XKR6: variants seen among roughly 807,000 people sequenced by gnomAD.
XKR6 encodes XK related 6.
In XKR6, 22 loss-of-function variants were observed where a neutral mutation model predicts 56.7. The ratio of observed to expected loss-of-function variants is 0.39; its 90% CI spans 0.28 to 0.55. XKR6 has a LOEUF of 0.55. Among genes scored for constraint, XKR6 ranks in the 20% least tolerant of loss-of-function variants. XKR6 has a pLI of 0.66. For synonymous variants in XKR6, 524 were observed against 387.8 expected (o/e 1.35, Z -4.13); for missense variants, 852 against 889.0 (o/e 0.96, Z 0.53).
Position 11,057,089 on chromosome 8 carries a change from C to T in XKR6, c.765-132259G>A, listed in dbSNP as rs548231537. Among the ~76,000 whole-genome samples the T allele has an allele frequency of 3.6e-4, 55 of 152,336 alleles. 2 individuals are homozygous for T. Among genetic ancestry groups the T allele is most frequent in the African/African-American group, 1.3e-3 (53 of 41,570 alleles). ...CCCAAATCACATCCTTACTCAAAAG[C>T]CGTTCTTGATGCCCCGACCCAATCG... On this transcript the variant is annotated intron_variant, in intron 1 of 2. Transcript: ENST00000416569.
At chr8:10,973,304 G>C (rs1377563955) in intron 1 of XKR6, among the ~76,000 whole-genome samples, 1 of 152,212 alleles carries the variant, frequency 6.6e-6, no homozygotes, top group Non-Finnish European at 1.5e-5. Flanking sequence ...TCCAAGGTCA[G>C]TCATCAAAAT....
At chr8:10,908,135 A>C (rs956068733) in intron 2 of XKR6, among the ~76,000 whole-genome samples, 21 of 152,330 alleles carry the variant, frequency 1.4e-4, no homozygotes, top group African/African-American at 4.6e-4. Flanking sequence ...CGTGAGCAGA[A>C]GGGATGTGTG....
intron 1 of XKR6, among the ~76,000 whole-genome samples, chr8:11,050,444 T>C (rs1275682345): frequency 6.6e-6 from 1 of 151,850 alleles, no homozygotes; most frequent in Non-Finnish European, 1.5e-5. Context: ...TCTACAACTC[T>C]ATGAAGAACA....
intron 1 of XKR6, among the ~76,000 whole-genome samples, chr8:11,020,128 T>C (rs1798717202): frequency 6.6e-6 from 1 of 151,240 alleles, no homozygotes; most frequent in Non-Finnish European, 1.5e-5. Context: ...TGCTTGCTTC[T>C]GCCCTGACTC....
chr8:10,981,874 GC>G (rs1797742863), intron 1 of XKR6, among the ~76,000 whole-genome samples: 1 of 152,218 alleles, frequency 6.6e-6, no homozygotes. Flanking sequence ...GGAAAGATGG[GC>G]AAATCCATGA....
At position 11,174,050 on chromosome 8, in the gene XKR6, T is replaced by C. The variant is rs143846254; in HGVS notation, c.764+26526A>G. On this transcript the variant is annotated intron_variant, in intron 1 of 2. Transcript: ENST00000416569. ...TTGACAACATCATGTATTTCCTTTGTACATTTGCTTTAAAAAATAAAACCA... is the reference window on the plus strand; with the variant it reads ...TTGACAACATCATGTATTTCCTTTGCACATTTGCTTTAAAAAATAAAACCA... 3.5e-3 allele frequency among the ~76,000 whole-genome samples: 540 copies of C among 152,358 alleles called. 3 individuals carry two copies. Among genetic ancestry groups the C allele is most frequent in the African/African-American group, 0.012 (510 of 41,584 alleles).
chr8:11,049,459 G>A (rs1402635527), intron 1 of XKR6, among the ~76,000 whole-genome samples: 2 of 152,124 alleles, frequency 1.3e-5, no homozygotes, highest in South Asian at 2.1e-4. Flanking sequence ...CCTCTCTGCA[G>A]GGGGCTGCGG....
chr8:11,162,421 A>C (rs568005750), intron 1 of XKR6, among the ~76,000 whole-genome samples: 1 of 152,342 alleles, frequency 6.6e-6, no homozygotes, highest in Non-Finnish European at 1.5e-5. Flanking sequence ...CACAACCTAG[A>C]GTAGAGTAAT....
intron 1 of XKR6, among the ~76,000 whole-genome samples, chr8:11,126,372 G>A (rs927755794): frequency 1.3e-5 from 2 of 151,974 alleles, no homozygotes; most frequent in African/African-American, 2.4e-5. Flanking sequence ...GGCCTACTTT[G>A]GCGTTTTTTA....
rs151054398 is a variant in XKR6, at chr8:10,959,038, C to G, written c.765-34208G>C. Among the ~76,000 whole-genome samples the G allele has an allele frequency of 2.6e-3, 389 of 152,344 alleles. 1 individual carries two copies. The highest frequency in any genetic ancestry group is 8.9e-3 in the African/African-American group (371 of 41,580). The stretch of plus-strand genomic sequence containing the variant: ...GGGAAACCCTGCAGGGCTTCTGTAA[C>G]CAGAGTGTGACGCTGACACTCTGAG... On this transcript the variant is annotated intron_variant, in intron 1 of 2. Coordinates refer to ENST00000416569, the MANE Select transcript of XKR6 (RefSeq NM_173683.4).
chr8:10,994,811 T>C (rs1798073579), intron 1 of XKR6, among the ~76,000 whole-genome samples: 1 of 152,072 alleles, frequency 6.6e-6, no homozygotes, highest in African/African-American at 2.4e-5. Context: ...AGAATGCAAA[T>C]AAAAATCAAA....
chr8:11,081,343 T>TG (rs1797715831), intron 1 of XKR6, among the ~76,000 whole-genome samples: 1 of 152,220 alleles, frequency 6.6e-6, no homozygotes, highest in South Asian at 2.1e-4. Context: ...CACAGTTATC[T>TG]GTCATCCAAT....
At chr8:11,183,303 G>A (rs558486092) in intron 1 of XKR6, among the ~76,000 whole-genome samples, 1 of 152,132 alleles carries the variant, frequency 6.6e-6, no homozygotes, top group African/African-American at 2.4e-5. Flanking sequence ...CACAGCAGCT[G>A]CCCCATTCCA....
chr8:10,976,031 C>G (rs1802545752), intron 1 of XKR6, among the ~76,000 whole-genome samples: 1 of 151,870 alleles, frequency 6.6e-6, no homozygotes, highest in Non-Finnish European at 1.5e-5. Flanking sequence ...AAAAAATTAG[C>G]TGGGCGCAAT....
chr8:11,075,006 G>C (rs1800234207), intron 1 of XKR6, among the ~76,000 whole-genome samples: 1 of 152,192 alleles, frequency 6.6e-6, no homozygotes, highest in Non-Finnish European at 1.5e-5. Flanking sequence ...CCTGGGGAGA[G>C]GAGAGGCTCT....
chr8:11,175,282 T>A (rs1239732527), intron 1 of XKR6: 1 of 152,662 alleles, frequency 6.6e-6, no homozygotes, highest in Non-Finnish European at 1.5e-5. Flanking sequence ...TGGACACAGG[T>A]GAACTTTTGC....
At chr8:11,160,958 A>C (rs1197835351) in intron 1 of XKR6, among the ~76,000 whole-genome samples, 1 of 151,822 alleles carries the variant, frequency 6.6e-6, no homozygotes, top group Admixed American at 6.6e-5. Flanking sequence ...ACACATTCAG[A>C]AACAGAATAA....
chr8:11,163,510 C>T (rs2117019140), intron 1 of XKR6, among the ~76,000 whole-genome samples: 1 of 152,350 alleles, frequency 6.6e-6, no homozygotes, highest in South Asian at 2.1e-4. Context: ...AACTATTTCC[C>T]TGCATCCGCT....
intron 1 of XKR6, among the ~76,000 whole-genome samples, chr8:10,980,208 G>A (rs889989459): frequency 6.6e-6 from 1 of 152,190 alleles, no homozygotes; most frequent in African/African-American, 2.4e-5. Context: ...GGCCTTCCAG[G>A]CAGAGGCAGG....
Sources: allele counts gnomAD v4.1 joint callset (sites outside exome capture counted in the v4.1 genomes callset), GRCh38; gene constraint gnomAD v4.1.1; transcripts MANE v1.5; gene names NCBI Gene and HGNC (gene_info 2026-07-23, HGNC 2026-07-21).